The following BASP1 variants were observed in gnomAD, a reference collection of about 807,000 sequenced individuals.
The protein encoded by BASP1 is brain acid soluble protein 1.
BASP1 carries 1 observed loss-of-function variant against 2.2 expected under a neutral mutation model. The ratio of observed to expected loss-of-function variants is 0.46; its 90% CI spans 0.16 to 2.17. The LOEUF (loss-of-function observed/expected upper bound fraction) is 2.17. Ranked by LOEUF, BASP1 falls within the 30% of genes most tolerant of loss-of-function variation. The pLI, the probability that BASP1 is intolerant of heterozygous loss-of-function variation, is 0.27. For synonymous variants in BASP1, 187 were observed against 154.2 expected (o/e 1.21, Z -1.58); for missense variants, 352 against 327.2 (o/e 1.08, Z -0.58).
chr5:17,221,439 G>A (rs867401728), intron 1 of BASP1, among the ~76,000 whole-genome samples: 7 of 148,964 alleles, frequency 4.7e-5, no homozygotes, highest in South Asian at 4.2e-4. Context: ...ATTGCCCTTG[G>A]TATCTGATTC....
chr5:17,275,971 ATCTCTC>A lies in BASP1; in HGVS notation c.*77_*82del. The A allele has an allele frequency of 1.2e-6, 1 of 812,828 alleles. No individual in the cohort carries two copies. The highest frequency in any genetic ancestry group is 1.7e-6 in the Non-Finnish European group (1 of 585,708). The allele number at this position is 812,828 out of a possible 1,614,324, so 50.4% of individuals were successfully genotyped here. ...TCTCTCTCTCTCTCTCTCTCTCTCT[ATCTCTC>A]TCTCTATCTCCTCTCTCTCTCTCCT... On this transcript the variant is annotated 3_prime_UTR_variant, in exon 2 of 2. Coordinates refer to ENST00000322611, the MANE Select transcript of BASP1 (RefSeq NM_006317.5). This position sits in a 1 kb window ranked among gnomAD's most constrained non-coding sequence, Gnocchi z 5.3.
chr5:17,217,061 A>AGG, upstream of BASP1: 1 of 97,460 alleles, frequency 1.0e-5, no homozygotes, highest in Non-Finnish European at 2.3e-5. Context: ...GGGGAGAGAG[A>AGG]GAGAGAGAGT....
chr5:17,273,210 A>C (rs976145111), intron 1 of BASP1, among the ~76,000 whole-genome samples: 1 of 152,234 alleles, frequency 6.6e-6, no homozygotes, highest in Admixed American at 6.5e-5. Context: ...CTATAATTTA[A>C]AATATTGATC....
intron 1 of BASP1, among the ~76,000 whole-genome samples, chr5:17,254,337 G>A (rs1048422121): frequency 1.3e-5 from 2 of 152,154 alleles, no homozygotes; most frequent in African/African-American, 4.8e-5. Context: ...CTGCACTCAT[G>A]CATGGCAGTG....
intron 1 of BASP1, among the ~76,000 whole-genome samples, chr5:17,267,796 C>A (rs575414294): frequency 2.4e-5 from 3 of 125,374 alleles, no homozygotes; most frequent in Non-Finnish European, 3.2e-5. Flanking sequence ...GGATTACAGG[C>A]GTGAGCCACC....
rs929828758 is a variant in BASP1, at chr5:17,275,680, C to T, written c.464C>T (p.Ala155Val). ...GAACCCAAAAAGACTGAGGCGCCCG[C>T]AGCTCCTGCCGCCCAGGAGACCAAA... ...EGEPKKTEAP[A>V]APAAQETKSD... Residue 155 changes from alanine (A) to valine (V), a missense_variant, in exon 2 of 2, where the codon GCA (alanine) becomes GTA (valine). By Grantham distance (64) the Ala-to-Val change is moderately conservative (BLOSUM62 0). Transcript: ENST00000322611. The surrounding 1 kb of genome is among the most constrained non-coding windows in gnomAD (Gnocchi z 5.3). The T allele has an allele frequency of 2.7e-5, 43 of 1,579,130 alleles. No homozygotes were observed. In the East Asian group the frequency reaches 3.2e-4, roughly 12 times the overall value.
chr5:17,261,718 C>A (rs1183131839), intron 1 of BASP1, among the ~76,000 whole-genome samples: 2 of 152,224 alleles, frequency 1.3e-5, no homozygotes, highest in African/African-American at 4.8e-5. Context: ...CCTCCCTCAA[C>A]TTTCCACTTT....
At position 17,275,495 on chromosome 5, in the gene BASP1, G is replaced by C; in HGVS notation, c.279G>C (p.Ala93=). 6.8e-7 allele frequency: 1 copy of C among 1,478,728 alleles called. No homozygotes were observed. 91.6% of individuals were successfully genotyped at this position (1,478,728 alleles called of 1,614,324 possible). Residue 93 remains alanine (A), a synonymous_variant, in exon 2 of 2, where the codon GCG becomes GCC. Transcript: ENST00000322611. This position sits in a 1 kb window ranked among gnomAD's most constrained non-coding sequence, Gnocchi z 5.3. Reference sequence around the variant, plus strand: ...CGGAGCCCGAGAAGACGGAGGGCGCGGCAGAGGCCAAGGCTGAGCCCCCGA... The same window carrying C: ...CGGAGCCCGAGAAGACGGAGGGCGCCGCAGAGGCCAAGGCTGAGCCCCCGA... ...PKAEPEKTEG[A]AEAKAEPPKA... is the part of the protein sequence containing the mutation.
intron 1 of BASP1, among the ~76,000 whole-genome samples, chr5:17,220,432 AG>A (rs11306332): frequency 0.038 from 5,749 of 152,306 alleles, 219 homozygotes; most frequent in Admixed American, 0.12. Flanking sequence ...TCCCCAATTC[AG>A]TAAATCTTAG....
Position 17,276,228 on chromosome 5 carries a change from T to C in BASP1, c.*328T>C, listed in dbSNP as rs567125359. 3 of 213,566 alleles carry C rather than the reference T, an allele frequency of 1.4e-5. No individual in the cohort carries two copies. The highest frequency in any genetic ancestry group is 6.9e-5 in the African/African-American group (3 of 43,426). The allele number at this position is 213,566 out of a possible 1,614,324, so 13.2% of individuals were successfully genotyped here. On this transcript the variant is annotated 3_prime_UTR_variant, in exon 2 of 2. Transcript: ENST00000322611. ...GCGTCTGAAAGTGCAGTACATCGTTTGTACCTGAAACTGCCGCCACATGCA... is the reference window on the plus strand; with the variant it reads ...GCGTCTGAAAGTGCAGTACATCGTTCGTACCTGAAACTGCCGCCACATGCA...
chr5:17,245,519 C>A (rs1358032508), intron 1 of BASP1, among the ~76,000 whole-genome samples: 1 of 152,106 alleles, frequency 6.6e-6, no homozygotes, highest in Non-Finnish European at 1.5e-5. Flanking sequence ...CCAAATCTAT[C>A]AATACCACTT....
At chr5:17,217,096 G>C (rs1221099032), upstream of BASP1, 2 of 136,192 alleles carry the variant, frequency 1.5e-5, no homozygotes, top group Non-Finnish European at 3.1e-5. Flanking sequence ...GAGAGAGAGA[G>C]TGAGTGAGAG....
chr5:17,267,253 A>T (rs1056978375), intron 1 of BASP1, among the ~76,000 whole-genome samples: 2 of 152,282 alleles, frequency 1.3e-5, no homozygotes, highest in Middle Eastern at 3.4e-3. Context: ...AAAGTAGGTA[A>T]AGGGGAAACA....
intron 1 of BASP1, among the ~76,000 whole-genome samples, chr5:17,225,696 A>C (rs1163501464): frequency 6.6e-6 from 1 of 152,136 alleles, no homozygotes; most frequent in African/African-American, 2.4e-5. Flanking sequence ...CACCCCTGAA[A>C]TGCTCGGGGC....
In BASP1 at chr5:17,275,015, C is replaced by T. The variant is rs116816659; in HGVS notation, c.-9-193C>T. On this transcript the variant is annotated intron_variant, in intron 1 of 1. Coordinates refer to ENST00000322611, the MANE Select transcript of BASP1 (RefSeq NM_006317.5). This position sits in a 1 kb window ranked among gnomAD's most constrained non-coding sequence, Gnocchi z 5.3. ...CGGCATTCCAGCCTGGGTAACATAG[C>T]GAGACCCTGTCTCAAAAATAAATAC... is the stretch of plus-strand genomic sequence containing the variant. Among the ~76,000 whole-genome samples the T allele has an allele frequency of 0.013, 1,933 of 152,104 alleles. 44 individuals are homozygous for T. The highest frequency in any genetic ancestry group is 0.044 in the African/African-American group (1,831 of 41,490).
intron 1 of BASP1, among the ~76,000 whole-genome samples, chr5:17,231,404 T>C (rs1159079154): frequency 2.0e-5 from 3 of 152,116 alleles, no homozygotes; most frequent in Admixed American, 1.3e-4. Context: ...CCTAATACTC[T>C]CCTAAATCCA....
At chr5:17,249,452 T>G (rs1740058179) in intron 1 of BASP1, among the ~76,000 whole-genome samples, 1 of 152,098 alleles carries the variant, frequency 6.6e-6, no homozygotes, top group African/African-American at 2.4e-5. Context: ...GATTAACTGG[T>G]GAGGAATTTC....
intron 1 of BASP1, among the ~76,000 whole-genome samples, chr5:17,222,534 C>A (rs1342993902): frequency 1.3e-5 from 2 of 152,134 alleles, no homozygotes; most frequent in African/African-American, 4.8e-5. Context: ...ATACAGAGTC[C>A]ATTTCTCACC....
intron 1 of BASP1, among the ~76,000 whole-genome samples, chr5:17,263,553 A>C (rs996554562): frequency 4.6e-5 from 7 of 152,252 alleles, no homozygotes; most frequent in African/African-American, 1.7e-4. Context: ...ACCCTGTGCC[A>C]GTGCATCTGT....
Sources: gnomAD v4.1 joint callset for allele counts (sites outside exome capture counted in the v4.1 genomes callset) on GRCh38, gnomAD v4.1.1 for gene constraint, Gnocchi (gnomAD v3.1) non-coding constraint, MANE v1.5 for transcripts, NCBI Gene and HGNC (gene_info 2026-07-23, HGNC 2026-07-21) for gene names.